The following FAM210A variants were observed in gnomAD, a reference collection of about 807,000 sequenced individuals.
FAM210A encodes the protein mitochondrial inner membrane scaffold 1, also known as family with sequence similarity 210 member A.
Under a neutral mutation model 25.3 loss-of-function variants are expected in FAM210A, and 13 were observed. The observed-to-expected ratio is 0.51, with a 90% CI of 0.33 to 0.82. The LOEUF is 0.82. Among genes scored for constraint, FAM210A ranks in the 40% least tolerant of loss-of-function variants. The pLI is 0.02. For synonymous variants in FAM210A, 125 were observed against 118.7 expected (o/e 1.05, Z -0.35); for missense variants, 319 against 323.2 (o/e 0.99, Z 0.10).
intron 1 of FAM210A, among the ~76,000 whole-genome samples, chr18:13,707,886 C>T (rs1370954539): frequency 6.6e-6 from 1 of 151,686 alleles, no homozygotes; most frequent in East Asian, 1.9e-4. Flanking sequence ...GATTCCTGTA[C>T]ATCATTTCCC....
chr18:13,716,031 C>T (rs2043859353), intron 1 of FAM210A, among the ~76,000 whole-genome samples: 1 of 152,192 alleles, frequency 6.6e-6, no homozygotes, highest in Non-Finnish European at 1.5e-5. Context: ...CTACTCAACA[C>T]CCGAAGTGTA....
chr18:13,683,806 T>C (rs983201190), intron 1 of FAM210A, among the ~76,000 whole-genome samples: 1 of 152,158 alleles, frequency 6.6e-6, no homozygotes, highest in Non-Finnish European at 1.5e-5. Flanking sequence ...GACAGTGAGA[T>C]CTGAATTAGC....
In FAM210A at chr18:13,683,329, C is replaced by T. The variant is rs941948633; in HGVS notation, c.-28-1224G>A. Among the ~76,000 whole-genome samples the T allele has an allele frequency of 3.3e-5, 5 of 152,274 alleles. No individual in the cohort carries two copies. The East Asian group carries it at 9.6e-4, about 29-fold the overall frequency. On this transcript the variant is annotated intron_variant, in intron 1 of 3. Coordinates refer to ENST00000651643, the MANE Select transcript of FAM210A (RefSeq NM_152352.4). ...TGCCTGGTATTTATTTTCTTCCCCACCCCCATATCAATGGTGGAGAGAAAA... is the reference window on the plus strand; with the variant it reads ...TGCCTGGTATTTATTTTCTTCCCCATCCCCATATCAATGGTGGAGAGAAAA...
chr18:13,676,035 T>C (rs574429236), intron 2 of FAM210A, among the ~76,000 whole-genome samples: 2 of 148,022 alleles, frequency 1.4e-5, no homozygotes, highest in South Asian at 2.2e-4. Flanking sequence ...CTGACCTCTT[T>C]ATTTCCAGTT....
chr18:13,665,275 A>G lies in FAM210A; in HGVS notation c.*1205T>C, dbSNP rs934983744. 1 of 150,248 alleles carries G rather than the reference A, an allele frequency of 6.7e-6. No homozygotes were observed. The highest frequency in any genetic ancestry group is 6.7e-5 in the Admixed American group (1 of 14,916). The allele number at this position is 150,248 out of a possible 1,614,324, so 9.3% of individuals were successfully genotyped here. On this transcript the variant is annotated 3_prime_UTR_variant, in exon 4 of 4. Coordinates refer to ENST00000651643, the MANE Select transcript of FAM210A (RefSeq NM_152352.4). ...CACGCTTATACTCCCAGCTACTTGG[A>G]AAGCTGAGGCGGGAGGATCACTTGA...
chr18:13,686,286 C>T lies in FAM210A; in HGVS notation c.-28-4181G>A, dbSNP rs116705040. 8.0e-3 allele frequency among the ~76,000 whole-genome samples: 1,220 copies of T among 152,308 alleles called. 21 individuals carry two copies. The highest frequency in any genetic ancestry group is 0.028 in the African/African-American group (1,177 of 41,560). ...AGACCGAAATCACGCCCCACCTCCC[C>T]TCACCAACCCACCTCCTCTGAGCTG... On this transcript the variant is annotated intron_variant, in intron 1 of 3. Coordinates refer to ENST00000651643, the MANE Select transcript of FAM210A (RefSeq NM_152352.4).
At chr18:13,685,837 T>C (rs553805989) in intron 1 of FAM210A, among the ~76,000 whole-genome samples, 2 of 152,300 alleles carry the variant, frequency 1.3e-5, no homozygotes, top group South Asian at 4.1e-4. Flanking sequence ...AGAGTTTGAC[T>C]CTTTTATCAA....
rs1273393193 is a variant in FAM210A, at chr18:13,695,797, C to T, written c.-28-13692G>A. On this transcript the variant is annotated intron_variant, in intron 1 of 3. Transcript: ENST00000651643. Reference sequence around the variant, plus strand: ...TAATGGGTGCAGCACACCAACATGGCACATGTATACATATGTAACAAACCG... The same window carrying T: ...TAATGGGTGCAGCACACCAACATGGTACATGTATACATATGTAACAAACCG... Among the ~76,000 whole-genome samples, 3 of 152,016 alleles carry T rather than the reference C, an allele frequency of 2.0e-5. No homozygotes were observed. In the East Asian group the frequency reaches 5.8e-4, roughly 29 times the overall value.
chr18:13,708,690 T>C (rs1262259596), intron 1 of FAM210A, among the ~76,000 whole-genome samples: 1 of 152,230 alleles, frequency 6.6e-6, no homozygotes, highest in African/African-American at 2.4e-5. Flanking sequence ...TCACTGGTCA[T>C]GCCCTTGGCC....
intron 1 of FAM210A, among the ~76,000 whole-genome samples, chr18:13,721,619 C>G (rs887150527): frequency 6.6e-6 from 1 of 152,100 alleles, no homozygotes; most frequent in Non-Finnish European, 1.5e-5. Context: ...CTCCACAAGT[C>G]GGGGAACCAG....
Position 13,680,618 on chromosome 18 carries a change from C to T in FAM210A, c.473+987G>A, listed in dbSNP as rs112551613. Among the ~76,000 whole-genome samples, 442 of 152,262 alleles carry T rather than the reference C, an allele frequency of 2.9e-3. 2 individuals carry two copies. The highest frequency in any genetic ancestry group is 0.01 in the African/African-American group (424 of 41,560). ...GGCTGCTTCTAAAGAGTGAGCTTTA[C>T]GTACAACACTAACCATATTTTGTTA... On this transcript the variant is annotated intron_variant, in intron 2 of 3. Transcript: ENST00000651643.
At chr18:13,700,168 A>T (rs1660349282) in intron 1 of FAM210A, among the ~76,000 whole-genome samples, 1 of 152,228 alleles carries the variant, frequency 6.6e-6, no homozygotes, top group South Asian at 2.1e-4. Context: ...TGCAAATCAC[A>T]AGTAGTAAGT....
intron 1 of FAM210A, among the ~76,000 whole-genome samples, chr18:13,721,775 T>C (rs190514716): frequency 1.3e-5 from 2 of 152,278 alleles, no homozygotes; most frequent in East Asian, 3.9e-4. Context: ...AACAAGTCCC[T>C]ACTCTGAATG....
At position 13,682,038 on chromosome 18, in the gene FAM210A, G is replaced by T. The variant is rs552796973; in HGVS notation, c.40C>A (p.Arg14Ser). 2 of 1,611,350 alleles carry T rather than the reference G, an allele frequency of 1.2e-6. No individual in the cohort carries two copies. Among genetic ancestry groups the T allele is most frequent in the Non-Finnish European group, 1.7e-6 (2 of 1,178,406 alleles). Residue 14 changes from arginine (R) to serine (S), a missense_variant, in exon 2 of 4, where the codon CGC becomes AGC. Coordinates refer to ENST00000651643, the MANE Select transcript of FAM210A (RefSeq NM_152352.4). ...TTATGTGGTTCCAAGCATGTCCTGC[G>T]TGCCAGTCGAGATACAGTCCGTGGT... ...NVPRTVSRLA[R>S]RTCLEPHNAG...
chr18:13,725,013 C>A (rs919306954), intron 1 of FAM210A, among the ~76,000 whole-genome samples: 2 of 152,164 alleles, frequency 1.3e-5, no homozygotes, highest in Non-Finnish European at 2.9e-5. Context: ...ACCTCGTGAT[C>A]CAACCGCCTC....
At chr18:13,675,336 C>T (rs1304081514) in intron 2 of FAM210A, among the ~76,000 whole-genome samples, 2 of 112,474 alleles carry the variant, frequency 1.8e-5, no homozygotes, top group African/African-American at 3.4e-5. Context: ...TATTAACATT[C>T]CTGAGCCCTG....
At chr18:13,695,271 G>A (rs1773253691) in intron 1 of FAM210A, among the ~76,000 whole-genome samples, 1 of 152,232 alleles carries the variant, frequency 6.6e-6, no homozygotes, top group Admixed American at 6.5e-5. Context: ...TGGTGGGACT[G>A]TAAACTAGTT....
rs538461887 is a variant in FAM210A at position 13,711,238 on chromosome 18, G to A, written c.-29+15091C>T. Among the ~76,000 whole-genome samples, 106 of 152,266 alleles carry A rather than the reference G, an allele frequency of 7.0e-4. 1 individual carries two copies. The highest frequency in any genetic ancestry group is 2.5e-3 in the African/African-American group (103 of 41,550). On this transcript the variant is annotated intron_variant, in intron 1 of 3. Coordinates refer to ENST00000651643, the MANE Select transcript of FAM210A (RefSeq NM_152352.4). ...ATACAAAAATTAGCCGGGCATCGTG[G>A]TGGGTGCCTGTAATCCCAGCTTCTT...
chr18:13,683,974 C>T (rs2043575905), intron 1 of FAM210A, among the ~76,000 whole-genome samples: 2 of 152,200 alleles, frequency 1.3e-5, no homozygotes, highest in Admixed American at 1.3e-4. Context: ...CCTGACTCAT[C>T]CCTCCCAAAT....
Sources: gnomAD v4.1 joint callset for allele counts (sites outside exome capture counted in the v4.1 genomes callset) on GRCh38, gnomAD v4.1.1 for gene constraint, MANE v1.5 for transcripts, NCBI Gene and HGNC (gene_info 2026-07-23, HGNC 2026-07-21) for gene names.